Variants in BTRC observed in about 807,000 individuals in gnomAD.
The protein encoded by BTRC is F-box/WD repeat-containing protein 1A.
In BTRC, 42 loss-of-function variants were observed where a neutral mutation model predicts 85.5. The observed-to-expected ratio is 0.49, with a 90% CI of 0.38 to 0.64. The LOEUF (loss-of-function observed/expected upper bound fraction) is 0.64, where lower values mean the gene tolerates loss of function less well. BTRC is among the 30% of genes least tolerant of loss of function. The pLI, the probability that BTRC is intolerant of heterozygous loss-of-function variation, is 0.00. For missense variants in BTRC, 594 were observed against 743.5 expected (o/e 0.80, Z 2.34); for synonymous variants, 255 against 263.3 (o/e 0.97, Z 0.30).
intron 1 of BTRC, among the ~76,000 whole-genome samples, chr10:101,377,768 A>G (rs1287820129): frequency 6.6e-6 from 1 of 152,190 alleles, no homozygotes; most frequent in African/African-American, 2.4e-5. Flanking sequence ...AGTTTGTACT[A>G]TTGAATATTC....
At chr10:101,536,058 C>T (rs2062380408) in intron 11 of BTRC, among the ~76,000 whole-genome samples, 1 of 152,212 alleles carries the variant, frequency 6.6e-6, no homozygotes, top group African/African-American at 2.4e-5. Flanking sequence ...ATAATTAGTA[C>T]ACAAAAGTTC....
chr10:101,545,568 T>C (rs1181354995), intron 13 of BTRC, among the ~76,000 whole-genome samples: 1 of 152,086 alleles, frequency 6.6e-6, no homozygotes, highest in East Asian at 1.9e-4. Context: ...CTGGTGTCCT[T>C]AAAACAAGAG....
chr10:101,547,794 G>C (rs545464171), intron 13 of BTRC, among the ~76,000 whole-genome samples: 5 of 152,110 alleles, frequency 3.3e-5, no homozygotes, highest in Admixed American at 1.3e-4. Flanking sequence ...TGTATGAAAA[G>C]AATTATACAC....
intron 1 of BTRC, among the ~76,000 whole-genome samples, chr10:101,419,655 TTAACC>T (rs1452769608): frequency 1.3e-5 from 2 of 152,176 alleles, no homozygotes; most frequent in African/African-American, 4.8e-5. Flanking sequence ...AGTTGCAGTC[TTAACC>T]TAATTAGGAA....
intron 1 of BTRC, among the ~76,000 whole-genome samples, chr10:101,366,919 T>TATATATATTA (rs1942435338): frequency 4.1e-4 from 2 of 4,882 alleles, no homozygotes; most frequent in South Asian, 7.9e-3. Flanking sequence ...AATATATATT[T>TATATATATTA]ATATATATTT....
At chr10:101,409,027 C>T (rs934644944) in intron 1 of BTRC, among the ~76,000 whole-genome samples, 4 of 151,776 alleles carry the variant, frequency 2.6e-5, no homozygotes, top group Non-Finnish European at 4.4e-5. Context: ...CCAGCCTGGG[C>T]GACAAGAGCA....
chr10:101,414,022 A>C (rs1181968134), intron 1 of BTRC, among the ~76,000 whole-genome samples: 1 of 152,172 alleles, frequency 6.6e-6, no homozygotes, highest in Non-Finnish European at 1.5e-5. Context: ...TTTTAAGTGT[A>C]CAATTCAGTA....
intron 1 of BTRC, among the ~76,000 whole-genome samples, chr10:101,392,312 T>C (rs1943255452): frequency 6.6e-6 from 1 of 152,154 alleles, no homozygotes; most frequent in Non-Finnish European, 1.5e-5. Flanking sequence ...ACTTAAGTTT[T>C]TTGCAATATG....
At chr10:101,547,411 G>A (rs2062576686) in intron 13 of BTRC, among the ~76,000 whole-genome samples, 1 of 140,166 alleles carries the variant, frequency 7.1e-6, no homozygotes, top group Admixed American at 7.8e-5. Context: ...CGCAATCTCG[G>A]CTCACTGCAA....
At chr10:101,375,732 C>T (rs911356118) in intron 1 of BTRC, among the ~76,000 whole-genome samples, 1 of 152,182 alleles carries the variant, frequency 6.6e-6, no homozygotes, top group Non-Finnish European at 1.5e-5. Context: ...TACACTTTAC[C>T]CTGTATAGGA....
At chr10:101,486,055 C>G (rs41303831) in intron 4 of BTRC, among the ~76,000 whole-genome samples, 2,060 of 152,256 alleles carry the variant, frequency 0.014, 25 homozygotes, top group Non-Finnish European at 0.019. Flanking sequence ...AGGAACAAGG[C>G]TGTGCCTTTT....
intron 1 of BTRC, among the ~76,000 whole-genome samples, chr10:101,381,133 TAAC>T (rs948577226): frequency 6.6e-5 from 10 of 152,002 alleles, no homozygotes; most frequent in African/African-American, 2.2e-4. Context: ...GTGATAATAA[TAAC>T]AATAATAATG....
At chr10:101,439,656 A>G (rs201234619) in intron 2 of BTRC, among the ~76,000 whole-genome samples, 1 of 152,228 alleles carries the variant, frequency 6.6e-6, no homozygotes, top group East Asian at 1.9e-4. Flanking sequence ...CCTTAAATGC[A>G]TGAAAAGGGA....
intron 4 of BTRC, among the ~76,000 whole-genome samples, chr10:101,509,421 A>AT (rs1165323686): frequency 3.4e-5 from 5 of 147,228 alleles, no homozygotes; most frequent in African/African-American, 1.3e-4. Context: ...CGCCCGGCTA[A>AT]TTTTTTGTAT....
intron 1 of BTRC, among the ~76,000 whole-genome samples, chr10:101,402,907 A>G (rs547347895): frequency 4.6e-5 from 7 of 152,312 alleles, no homozygotes; most frequent in Admixed American, 6.5e-5. Context: ...AACAATAATG[A>G]TATCAGACTA....
intron 1 of BTRC, among the ~76,000 whole-genome samples, chr10:101,359,087 G>A (rs1446300723): frequency 6.6e-6 from 1 of 152,040 alleles, no homozygotes; most frequent in African/African-American, 2.4e-5. Flanking sequence ...GATCTCCTGC[G>A]TGACTTCCCT....
At chr10:101,451,566 T>TG (rs1271671371) in intron 2 of BTRC, among the ~76,000 whole-genome samples, 2 of 152,226 alleles carry the variant, frequency 1.3e-5, no homozygotes, top group East Asian at 1.9e-4. Context: ...AAAGCAGTAG[T>TG]GTGTTTTAAG....
chr10:101,509,400 G>A (rs1358428937), intron 4 of BTRC, among the ~76,000 whole-genome samples: 5 of 143,786 alleles, frequency 3.5e-5, no homozygotes, highest in Admixed American at 6.9e-5. Context: ...GACTACAGGC[G>A]CCCGCCACTA....
intron 5 of BTRC, among the ~76,000 whole-genome samples, chr10:101,525,595 C>T (rs1180121973): frequency 1.3e-5 from 2 of 152,004 alleles, no homozygotes; most frequent in Non-Finnish European, 2.9e-5. Flanking sequence ...GGAACTACAG[C>T]AGTAATAGAA....
Sources: allele counts gnomAD v4.1 joint callset (sites outside exome capture counted in the v4.1 genomes callset), GRCh38; gene constraint gnomAD v4.1.1; transcripts MANE v1.5; gene names NCBI Gene and HGNC (gene_info 2026-07-23, HGNC 2026-07-21).